The following MAPK10 variants were observed in gnomAD, a reference collection of about 807,000 sequenced individuals.
MAPK10 encodes the protein JNK3 alpha protein kinase.
MAPK10 carries 25 observed loss-of-function variants against 59.3 expected under a neutral mutation model. The ratio of observed to expected loss-of-function variants is 0.42; its 90% CI spans 0.31 to 0.59. The LOEUF is 0.59. Ranked by LOEUF, MAPK10 falls within the 20% of genes least tolerant of loss-of-function variation. The pLI, the probability that MAPK10 is intolerant of heterozygous loss-of-function variation, is 0.15. For synonymous variants in MAPK10, 190 were observed against 200.5 expected, an observed-to-expected ratio of 0.95 and a Z score of 0.44; for missense variants, 351 against 568.9, an observed-to-expected ratio of 0.62 and a Z score of 3.90.
At chr4:86,209,923 T>C (rs113948078) in intron 2 of MAPK10, among the ~76,000 whole-genome samples, 2,641 of 152,004 alleles carry the variant, frequency 0.017, 97 homozygotes, top group African/African-American at 0.059. Flanking sequence ...GGCATAAAAA[T>C]AGACACACAG....
intron 2 of MAPK10, among the ~76,000 whole-genome samples, chr4:86,206,970 C>A (rs530176134): frequency 4.9e-4 from 75 of 151,906 alleles, no homozygotes; most frequent in South Asian, 2.1e-3. Flanking sequence ...GAGTAGGTTG[C>A]GAAAATTTTC....
chr4:86,361,664 TACAC>T (rs550401183), upstream of MAPK10, among the ~76,000 whole-genome samples: 1 of 149,872 alleles, frequency 6.7e-6, no homozygotes, highest in Non-Finnish European at 1.5e-5. Context: ...CAAACACACA[TACAC>T]ACACACACAC....
At chr4:86,448,514 G>A (rs1162575547) in intron 1 of MAPK10, among the ~76,000 whole-genome samples, 1 of 151,804 alleles carries the variant, frequency 6.6e-6, no homozygotes, top group African/African-American at 2.4e-5. Context: ...AGTATTCTTT[G>A]TGTTCTTTAG....
At chr4:86,374,036 A>T (rs1466034803) in intron 1 of MAPK10, among the ~76,000 whole-genome samples, 1 of 152,230 alleles carries the variant, frequency 6.6e-6, no homozygotes, top group Admixed American at 6.5e-5. Context: ...CTGGATAAAG[A>T]AAATGTGGCA....
chr4:86,247,351 T>G (rs537091628), intron 2 of MAPK10, among the ~76,000 whole-genome samples: 10 of 152,348 alleles, frequency 6.6e-5, no homozygotes, highest in Admixed American at 4.6e-4. Flanking sequence ...AATCATTGTT[T>G]AATCTAACTC....
At chr4:86,457,155 C>T (rs934607791), upstream of MAPK10, among the ~76,000 whole-genome samples, 1 of 152,158 alleles carries the variant, frequency 6.6e-6, no homozygotes, top group East Asian at 1.9e-4. Flanking sequence ...AAAGGACATA[C>T]TTCAATGTAA....
chr4:86,545,470 C>A (rs1347677685), intron 1 of MAPK10, among the ~76,000 whole-genome samples: 1 of 152,002 alleles, frequency 6.6e-6, no homozygotes, highest in African/African-American at 2.4e-5. Flanking sequence ...TGGTGAAGGC[C>A]GTGACGAAAA....
chr4:86,306,002 C>A (rs1162423925), intron 2 of MAPK10, among the ~76,000 whole-genome samples: 1 of 152,096 alleles, frequency 6.6e-6, no homozygotes, highest in Non-Finnish European at 1.5e-5. Flanking sequence ...ATTGGGACTT[C>A]ATTTTATATA....
intron 1 of MAPK10, among the ~76,000 whole-genome samples, chr4:86,523,509 G>A (rs1054466922): frequency 2.0e-5 from 3 of 152,224 alleles, no homozygotes; most frequent in African/African-American, 7.2e-5. Flanking sequence ...TTCTGCAAGA[G>A]TTAAGGGGAA....
intron 9 of MAPK10, among the ~76,000 whole-genome samples, chr4:86,083,007 A>G (rs2050980083): frequency 6.6e-6 from 1 of 152,200 alleles, no homozygotes; most frequent in Admixed American, 6.5e-5. Context: ...GACTTGGCAC[A>G]TATACTTAAA....
rs1462665561 is a variant in MAPK10, at chr4:86,017,321, A to G, written c.1302T>C (p.Asn434=). Residue 434 remains asparagine, a synonymous_variant, in exon 14 of 14, where the codon AAT becomes AAC. Coordinates refer to ENST00000641462, the MANE Select transcript of MAPK10 (RefSeq NM_138982.4). This position sits in a 1 kb window ranked among gnomAD's most constrained non-coding sequence, Gnocchi z 4.4. Reference sequence around the variant, plus strand: ...GGTCGGTGGACATGGAGGAGATGTCATTGACAGACGAGGATGGAGGGAGAC... The same window carrying G: ...GGTCGGTGGACATGGAGGAGATGTCGTTGACAGACGAGGATGGAGGGAGAC... The part of the protein sequence containing the change: ...SESLPPSSSV[N]DISSMSTDQT... 6.2e-7 allele frequency: 1 copy of G among 1,614,158 alleles called. No individual in the cohort carries two copies. Among genetic ancestry groups the G allele is most frequent in the Non-Finnish European group, 8.5e-7 (1 of 1,180,012 alleles).
chr4:86,159,047 T>C, intron 4 of MAPK10: 2 of 317,780 alleles, frequency 6.3e-6, no homozygotes, highest in Non-Finnish European at 1.1e-5. Context: ...TTCTTTATGA[T>C]TCTTGTGTAA....
intron 1 of MAPK10, among the ~76,000 whole-genome samples, chr4:86,369,401 A>G (rs181660607): frequency 2.8e-4 from 42 of 152,330 alleles, no homozygotes; most frequent in Non-Finnish European, 3.1e-4. Flanking sequence ...CTAATTGGTG[A>G]ATTCTGGGTC....
At chr4:86,097,028 G>A (rs2054352366) in intron 9 of MAPK10, among the ~76,000 whole-genome samples, 1 of 151,702 alleles carries the variant, frequency 6.6e-6, no homozygotes, top group Admixed American at 6.6e-5. Flanking sequence ...TAAGTTTAAT[G>A]TCCACATTCA....
rs556680512 is a variant in MAPK10 at position 86,487,730 on chromosome 4, CAA to C, written c.-263+106178_-263+106179del. ...TGGGCAACAGCACGAGACTCTGTCTCAAAAAAAAAAAAAAAAAAATTGTTAAA... is the reference window on the plus strand; with the variant it reads ...TGGGCAACAGCACGAGACTCTGTCTCAAAAAAAAAAAAAAAAATTGTTAAA... On this transcript the variant is annotated intron_variant, in intron 1 of 4. Coordinates refer to the MAPK10 transcript ENST00000502302. 4.8e-3 allele frequency among the ~76,000 whole-genome samples: 456 copies of C among 95,636 alleles called. 4 individuals are homozygous for C. The highest frequency in any genetic ancestry group is 0.015 in the African/African-American group (335 of 22,694). 62.7% of individuals were successfully genotyped at this position (95,636 alleles called of 152,430 possible). A position where few individuals can be genotyped will look rare whatever the true frequency, so the allele number is the denominator to read the frequency against.
rs749576176 is a variant in MAPK10, at chr4:86,159,475, AAAG to A, written c.67-11_67-9del. 1.8e-5 allele frequency: 29 copies of A among 1,606,044 alleles called. No individual in the cohort carries two copies. Among genetic ancestry groups the A allele is most frequent in the Middle Eastern group, 1.7e-4 (1 of 6,050 alleles). Reference sequence around the variant, plus strand: ...CACTTGTTTATCGAATCCCTGTCAAAAAGAAGAACAGCAAAAACATGAGGCAAG... The same window carrying A: ...CACTTGTTTATCGAATCCCTGTCAAAAAGAACAGCAAAAACATGAGGCAAG... On this transcript the variant is annotated splice_polypyrimidine_tract_variant and intron_variant, in intron 3 of 13. Coordinates refer to ENST00000641462, the MANE Select transcript of MAPK10 (RefSeq NM_138982.4).
At chr4:86,167,572 T>A (rs556093144) in intron 3 of MAPK10, among the ~76,000 whole-genome samples, 73 of 152,242 alleles carry the variant, frequency 4.8e-4, no homozygotes, top group Non-Finnish European at 8.4e-4. Flanking sequence ...ACATATGCAA[T>A]CAATAAATGT....
At chr4:86,226,287 C>T (rs2090597353) in intron 2 of MAPK10, among the ~76,000 whole-genome samples, 1 of 152,094 alleles carries the variant, frequency 6.6e-6, no homozygotes, top group South Asian at 2.1e-4. Context: ...TCTAAATAGG[C>T]TAGGCTTACT....
At chr4:86,262,363 C>T (rs1057065668) in intron 2 of MAPK10, among the ~76,000 whole-genome samples, 12 of 152,244 alleles carry the variant, frequency 7.9e-5, no homozygotes, top group Admixed American at 1.3e-4. Context: ...AAAAATAAAT[C>T]GCTGTTCTTT....
Sources: gnomAD v4.1 joint callset for allele counts (sites outside exome capture counted in the v4.1 genomes callset) on GRCh38, gnomAD v4.1.1 for gene constraint, Gnocchi (gnomAD v3.1) non-coding constraint, MANE v1.5 for transcripts, NCBI Gene and HGNC (gene_info 2026-07-23, HGNC 2026-07-21) for gene names.